The following LGALS9 variants were observed in gnomAD, a reference collection of about 807,000 sequenced individuals.
LGALS9 encodes the protein galectin 9.
A neutral mutation model predicts 35.9 loss-of-function variants in LGALS9; 26 were observed. The observed-to-expected ratio is 0.72, with a 90% CI of 0.53 to 1.01. The LOEUF (loss-of-function observed/expected upper bound fraction) is 1.01. LGALS9 is among the 50% of genes least tolerant of loss of function. The pLI is 0.00. For synonymous variants in LGALS9, 149 were observed against 172.2 expected, an observed-to-expected ratio of 0.87 and a Z score of 1.06; for missense variants, 347 against 445.8, an observed-to-expected ratio of 0.78 and a Z score of 1.99.
intron 4 of LGALS9, 53 bp downstream of exon 4, chr17:27,642,401 G>A (rs796881542): frequency 5.8e-5 from 94 of 1,610,732 alleles, no homozygotes; most frequent in East Asian, 5.6e-4. Flanking sequence ...AGGGCCCAGC[G>A]TAGCTGTGTC....
intron 1 of LGALS9, among the ~76,000 whole-genome samples, chr17:27,634,322 G>A (rs2074420301): frequency 6.6e-6 from 1 of 152,194 alleles, no homozygotes; most frequent in South Asian, 2.1e-4. Context: ...GCCGAGGCAG[G>A]AGGATCTCCT....
At chr17:27,632,901 C>T (rs186252343) in intron 1 of LGALS9, among the ~76,000 whole-genome samples, 74 of 152,296 alleles carry the variant, frequency 4.9e-4, no homozygotes, top group East Asian at 4.6e-3. Context: ...CTCCACATGC[C>T]GACAGTGGGG....
chr17:27,645,818 T>C, intron 6 of LGALS9, 43 bp from the exon 7 acceptor site: 1 of 1,546,872 alleles, frequency 6.5e-7, no homozygotes, highest in Non-Finnish European at 8.8e-7. Context: ...CTGGTGGTTT[T>C]CACACGTGAG....
At chr17:27,633,658 G>A (rs917655780) in intron 1 of LGALS9, among the ~76,000 whole-genome samples, 5 of 152,246 alleles carry the variant, frequency 3.3e-5, no homozygotes, top group African/African-American at 9.6e-5. Context: ...GGCACTATCA[G>A]GAACAGAGAG....
chr17:27,638,733 G>A (rs1490481271), intron 2 of LGALS9: 2 of 308,688 alleles, frequency 6.5e-6, no homozygotes, highest in African/African-American at 4.3e-5. Context: ...TTCTGCTGAT[G>A]TGAAAATATT....
At chr17:27,643,770 C>A in intron 5 of LGALS9, 150 bp downstream of exon 5, 1 of 1,320,076 alleles carries the variant, frequency 7.6e-7, no homozygotes, top group Non-Finnish European at 1.0e-6. Context: ...GCTGGGCACC[C>A]AGAGCTGGGG....
intron 2 of LGALS9, chr17:27,638,771 C>T: frequency 3.3e-6 from 1 of 304,070 alleles, no homozygotes; most frequent in Non-Finnish European, 6.4e-6. Context: ...GTAATTTGGT[C>T]TCTTTTGGTT....
chr17:27,644,984 C>T (rs907426478), intron 5 of LGALS9: 2 of 361,392 alleles, frequency 5.5e-6, no homozygotes, highest in African/African-American at 4.3e-5. Flanking sequence ...AATACCACTT[C>T]TCACCTTATG....
rs781261338 is a variant in LGALS9, at chr17:27,646,958, C to T, written c.670-72C>T. 7 of 1,605,538 alleles carry T rather than the reference C, an allele frequency of 4.4e-6. No individual in the cohort carries two copies. In the East Asian group the frequency reaches 1.3e-4, roughly 31 times the overall value. On this transcript the variant is annotated intron_variant, in intron 8 of 10. Transcript: ENST00000395473. ...TCATGGGCTTCTTCTCAGCTGACAG[C>T]CCAAATTCATGGGAACTGGTACAAT...
intron 2 of LGALS9, 147 bp from the exon 3 acceptor site, chr17:27,640,425 C>T (rs1201431508): frequency 4.1e-6 from 5 of 1,230,516 alleles, no homozygotes; most frequent in Non-Finnish European, 5.7e-6. Context: ...ATTAGAAAAA[C>T]AAAAACGATG....
chr17:27,642,841 C>G (rs921216229), intron 4 of LGALS9, among the ~76,000 whole-genome samples: 10 of 152,156 alleles, frequency 6.6e-5, no homozygotes, highest in African/African-American at 2.4e-4. Flanking sequence ...CAGTGGCCCC[C>G]CTGGGCCCAC....
intron 6 of LGALS9, 34 bp downstream of exon 6, chr17:27,645,383 A>G (rs1904858148): frequency 6.2e-7 from 1 of 1,611,490 alleles, no homozygotes; most frequent in African/African-American, 1.3e-5. Context: ...GATCGTCCTC[A>G]TTTTGGCTTT....
rs770613803 is a variant in LGALS9 at position 27,648,869 on chromosome 17, G to A, written c.955G>A (p.Val319Met). 2 of 1,611,466 alleles carry A rather than the reference G, an allele frequency of 1.2e-6. No individual in the cohort carries two copies. The highest frequency in any genetic ancestry group is 1.7e-6 in the Non-Finnish European group (2 of 1,178,866). ...CTTGTGTGAAGCTCACTGCCTCAAG[G>A]TGGCCGTGGATGGTCAGCACCTGTT... ...WILCEAHCLK[V>M]AVDGQHLFEY... The change falls in exon 11 of 11, where the codon GTG becomes ATG. Residue 319 changes from valine (V) to methionine (M), a missense_variant. By Grantham distance (21) the Val-to-Met change is conservative. Coordinates refer to ENST00000395473, the MANE Select transcript of LGALS9 (RefSeq NM_009587.3).
Position 27,640,468 on chromosome 17 carries a change from T to C in LGALS9, c.132-104T>C, listed in dbSNP as rs113327426. On this transcript the variant is annotated intron_variant, in intron 2 of 10. Transcript: ENST00000395473. The stretch of plus-strand genomic sequence containing the variant: ...AGCAGTCTCTGCCATACAGGTTGTG[T>C]GCAAGATCCAGACAAATGCAAAGCA... The C allele has an allele frequency of 4.7e-5, 71 of 1,519,736 alleles. No homozygotes were observed. The African/African-American group carries it at 8.5e-4, about 18-fold the overall frequency. The allele number at this position is 1,519,736 out of a possible 1,614,324, so 94.1% of individuals were successfully genotyped here. A position where few individuals can be genotyped will look rare whatever the true frequency, so the allele number is the denominator to read the frequency against.
chr17:27,638,758 A>G (rs1014401731), intron 2 of LGALS9: 4 of 308,612 alleles, frequency 1.3e-5, no homozygotes, highest in Non-Finnish European at 2.5e-5. Flanking sequence ...ATTGCCATCA[A>G]AAGTAATTTG....
chr17:27,645,082 T>G (rs1904827641), intron 5 of LGALS9: 9 of 719,020 alleles, frequency 1.3e-5, no homozygotes, highest in East Asian at 5.4e-5. Context: ...CTCCTCTCTC[T>G]CGAGAGGAAC....
At chr17:27,648,217 A>G (rs2151299191) in intron 10 of LGALS9, among the ~76,000 whole-genome samples, 1 of 152,390 alleles carries the variant, frequency 6.6e-6, no homozygotes, top group East Asian at 1.9e-4. Flanking sequence ...ATTTTAACAC[A>G]GTGAAAAGCC....
chr17:27,641,096 A>C, intron 3 of LGALS9: 1 of 524,668 alleles, frequency 1.9e-6, no homozygotes, highest in South Asian at 1.6e-5. Flanking sequence ...TCTCCAGGTC[A>C]CTGGTAACAT....
chr17:27,641,202 G>T (rs1904468741), intron 3 of LGALS9, among the ~76,000 whole-genome samples: 1 of 152,084 alleles, frequency 6.6e-6, no homozygotes, highest in Admixed American at 6.5e-5. Context: ...AGCAGAGTAG[G>T]TCTCTGGGCT....
Sources: allele counts gnomAD v4.1 joint callset (sites outside exome capture counted in the v4.1 genomes callset), GRCh38; gene constraint gnomAD v4.1.1; transcripts MANE v1.5; gene names NCBI Gene and HGNC (gene_info 2026-07-23, HGNC 2026-07-21).